Variants in NFIA observed in about 807,000 individuals in gnomAD.
NFIA encodes nuclear factor I A, also known as nuclear factor 1 A-type.
Under a neutral mutation model 62.8 loss-of-function variants are expected in NFIA, and 8 were observed. That is an observed-to-expected ratio of 0.13 (90% confidence interval 0.07 to 0.23). NFIA has a LOEUF of 0.23. Ranked by LOEUF, NFIA falls within the 10% of genes least tolerant of loss-of-function variation. The pLI is 1.00. For missense variants in NFIA, 410 were observed against 642.1 expected (o/e 0.64, Z 3.91); for synonymous variants, 235 against 238.1 (o/e 0.99, Z 0.12).
chr1:61,290,964 A>G (rs1383176898), intron 3 of NFIA, among the ~76,000 whole-genome samples: 1 of 152,178 alleles, frequency 6.6e-6, no homozygotes, highest in African/African-American at 2.4e-5. Context: ...AATGAAAGGT[A>G]GGGGAATGAT....
chr1:61,315,225 C>G (rs1660310030), intron 3 of NFIA, among the ~76,000 whole-genome samples: 1 of 152,148 alleles, frequency 6.6e-6, no homozygotes, highest in Non-Finnish European at 1.5e-5. Flanking sequence ...AATCATGTCC[C>G]TTATGGCATT....
At chr1:61,193,199 A>G (rs1651761784) in intron 2 of NFIA, among the ~76,000 whole-genome samples, 1 of 152,194 alleles carries the variant, frequency 6.6e-6, no homozygotes, top group African/African-American at 2.4e-5. Context: ...CAATTTATAA[A>G]ACGTTCACAT....
chr1:61,174,543 T>A (rs1316085925), intron 2 of NFIA, among the ~76,000 whole-genome samples: 1 of 151,992 alleles, frequency 6.6e-6, no homozygotes, highest in Non-Finnish European at 1.5e-5. Context: ...GGCATTGGAG[T>A]GGGGAGGTGA....
At chr1:61,444,213 A>G (rs1447939158) in intron 10 of NFIA, among the ~76,000 whole-genome samples, 1 of 152,230 alleles carries the variant, frequency 6.6e-6, no homozygotes, top group Non-Finnish European at 1.5e-5. Flanking sequence ...TAGAATCTAC[A>G]TCTAGAAGCC....
At chr1:61,205,326 A>G (rs1014999927) in intron 2 of NFIA, among the ~76,000 whole-genome samples, 2 of 152,206 alleles carry the variant, frequency 1.3e-5, no homozygotes, top group Non-Finnish European at 2.9e-5. Flanking sequence ...GTGCAGGTCC[A>G]TTTAACAGAT....
intron 7 of NFIA, among the ~76,000 whole-genome samples, chr1:61,396,892 C>T (rs1021573780): frequency 2.0e-5 from 3 of 151,948 alleles, no homozygotes; most frequent in Non-Finnish European, 4.4e-5. Flanking sequence ...GTCCCAGCTA[C>T]TCGGGAGGCT....
chr1:61,137,912 T>A (rs1647232288), intron 2 of NFIA, among the ~76,000 whole-genome samples: 1 of 152,044 alleles, frequency 6.6e-6, no homozygotes, highest in Non-Finnish European at 1.5e-5. Context: ...CTATTCTTAA[T>A]GTTAGCACAT....
intron 4 of NFIA, among the ~76,000 whole-genome samples, chr1:61,333,047 GCACACACACACACACACACATACA>G (rs981705387): frequency 1.1e-4 from 16 of 144,686 alleles, no homozygotes; most frequent in African/African-American, 3.3e-4. Context: ...TAGCATGCAC[GCACACACACACACACACACATACA>G]CACACACACA....
At chr1:61,348,495 C>A (rs933662899) in intron 4 of NFIA, among the ~76,000 whole-genome samples, 1 of 152,146 alleles carries the variant, frequency 6.6e-6, no homozygotes, top group African/African-American at 2.4e-5. Flanking sequence ...CCATTTGCCA[C>A]ATTACAATTC....
chr1:61,264,350 A>T (rs186195406), intron 2 of NFIA, among the ~76,000 whole-genome samples: 1 of 152,234 alleles, frequency 6.6e-6, no homozygotes, highest in East Asian at 1.9e-4. Context: ...AGCTTTTAGA[A>T]AAAAAGAATT....
At chr1:61,189,430 G>C (rs1426047884) in intron 2 of NFIA, among the ~76,000 whole-genome samples, 1 of 152,166 alleles carries the variant, frequency 6.6e-6, no homozygotes, top group African/African-American at 2.4e-5. Flanking sequence ...ACTTTGGGAG[G>C]CCGAGGTGGG....
Position 61,195,456 on chromosome 1 carries a change from A to G in NFIA, c.560-82064A>G, listed in dbSNP as rs79829291. 4.1e-3 allele frequency among the ~76,000 whole-genome samples: 629 copies of G among 152,240 alleles called. 13 individuals carry two copies. In the East Asian group the frequency reaches 0.052, roughly 13 times the overall value. On this transcript the variant is annotated intron_variant, in intron 2 of 10. Coordinates refer to ENST00000403491, the MANE Select transcript of NFIA (RefSeq NM_001134673.4). The stretch of plus-strand genomic sequence containing the variant: ...GGTCTAGTCTGTAATTTATTCCCAT[A>G]AACAATGTTGTTCTCCTGACCTTTC...
intron 2 of NFIA, among the ~76,000 whole-genome samples, chr1:61,243,667 A>G (rs922444352): frequency 2.0e-5 from 3 of 152,214 alleles, no homozygotes; most frequent in African/African-American, 7.2e-5. Flanking sequence ...GTAACAAGTT[A>G]TGAGTATGTA....
At chr1:61,149,864 C>T (rs334707) in intron 2 of NFIA, among the ~76,000 whole-genome samples, 126,629 of 152,148 alleles carry the variant, frequency 0.83, 53,718 homozygotes, top group Non-Finnish European at 0.92. Flanking sequence ...ACTGTTACTG[C>T]AATGAGCCAA....
rs1442626966 is a variant in NFIA, at chr1:61,203,679, G to C, written c.560-73841G>C. ...GTGGTTAAATCTGGTTTACGTTGTA[G>C]TTGTTTGTGTGTAAGGAGGTCTCCT... On this transcript the variant is annotated intron_variant, in intron 2 of 10. Transcript: ENST00000403491. Among the ~76,000 whole-genome samples, 66 of 152,134 alleles carry C rather than the reference G, an allele frequency of 4.3e-4. 1 individual carries two copies.
In NFIA at chr1:61,458,685, TC is replaced by T. The variant is rs1318265106; in HGVS notation, c.*3367del. 7.0e-6 allele frequency: 1 copy of T among 142,858 alleles called. No homozygotes were observed. Among genetic ancestry groups the T allele is most frequent in the East Asian group, 2.0e-4 (1 of 5,118 alleles). 8.8% of individuals were successfully genotyped at this position (142,858 alleles called of 1,614,324 possible). On this transcript the variant is annotated 3_prime_UTR_variant, in exon 11 of 11. Transcript: ENST00000403491. Reference sequence around the variant, plus strand: ...GATTTAAGTTTAAAACTTTCCTGTTTCCTTTTTTTTTTTTTTTTTGTAAGTA... The same window carrying T: ...GATTTAAGTTTAAAACTTTCCTGTTTCTTTTTTTTTTTTTTTTTGTAAGTA...
chr1:61,383,191 T>C, intron 6 of NFIA, 46 bp from the exon 7 acceptor site: 2 of 1,606,482 alleles, frequency 1.2e-6, no homozygotes, highest in South Asian at 1.1e-5. Context: ...CACAAATCAT[T>C]GTTCCATGAA....
intron 2 of NFIA, among the ~76,000 whole-genome samples, chr1:61,259,866 G>C (rs332836): frequency 0.91 from 137,857 of 152,282 alleles, 62,658 homozygotes; most frequent in East Asian, 1. Context: ...GGTTAATAAA[G>C]CCATTGTTGC....
chr1:61,153,050 G>A (rs1457392302), intron 2 of NFIA, among the ~76,000 whole-genome samples: 2 of 152,164 alleles, frequency 1.3e-5, no homozygotes, highest in African/African-American at 4.8e-5. Flanking sequence ...GTGAATTCAG[G>A]CAGTGAATTT....
Sources: allele counts gnomAD v4.1 joint callset (sites outside exome capture counted in the v4.1 genomes callset), GRCh38; gene constraint gnomAD v4.1.1; transcripts MANE v1.5; gene names NCBI Gene and HGNC (gene_info 2026-07-23, HGNC 2026-07-21).